MRPL14: variants seen among roughly 807,000 people sequenced by gnomAD.
The protein encoded by MRPL14 is mitochondrial ribosomal protein L14.
In MRPL14, 8 loss-of-function variants were observed where a neutral mutation model predicts 10.9. That is an observed-to-expected ratio of 0.74 (90% CI 0.43 to 1.33). MRPL14 has a LOEUF of 1.33. Among genes scored for constraint, MRPL14 ranks in the 40% most tolerant of loss-of-function variants. The pLI, the probability that MRPL14 is intolerant of heterozygous loss-of-function variation, is 0.01. For synonymous variants in MRPL14, 82 were observed against 74.1 expected (o/e 1.11, Z -0.54); for missense variants, 179 against 194.5 (o/e 0.92, Z 0.47).
chr6:44,113,776 T>G lies in MRPL14; in HGVS notation c.*67A>C. On this transcript the variant is annotated 3_prime_UTR_variant, in exon 3 of 3. Coordinates refer to ENST00000372014, the MANE Select transcript of MRPL14 (RefSeq NM_032111.4). Reference sequence around the variant, plus strand: ...GCAGCCATGTGGCTCCCAAGCTCCCTTAGCAAAAGGGTGGTTCTCAGAACT... The same window carrying G: ...GCAGCCATGTGGCTCCCAAGCTCCCGTAGCAAAAGGGTGGTTCTCAGAACT... 6.7e-7 allele frequency: 1 copy of G among 1,503,030 alleles called. No homozygotes were observed. Among genetic ancestry groups the G allele is most frequent in the Non-Finnish European group, 8.9e-7 (1 of 1,124,230 alleles). 93.1% of individuals were successfully genotyped at this position (1,503,030 alleles called of 1,614,324 possible). A position where few individuals can be genotyped will look rare whatever the true frequency, so the allele number is the denominator to read the frequency against.
At chr6:44,119,494 C>G (rs1379431929) in intron 1 of MRPL14, among the ~76,000 whole-genome samples, 1 of 151,746 alleles carries the variant, frequency 6.6e-6, no homozygotes, top group Admixed American at 6.6e-5. Flanking sequence ...GGCCACTGCA[C>G]TCCAGCCTGG....
chr6:44,124,790 T>C (rs960002521), intron 1 of MRPL14, among the ~76,000 whole-genome samples: 1 of 152,140 alleles, frequency 6.6e-6, no homozygotes, highest in Non-Finnish European at 1.5e-5. Flanking sequence ...TAAATACACA[T>C]GTAAAATCAC....
At chr6:44,125,044 C>CA (rs1256102024) in intron 1 of MRPL14, among the ~76,000 whole-genome samples, 1 of 152,230 alleles carries the variant, frequency 6.6e-6, no homozygotes, top group Non-Finnish European at 1.5e-5. Flanking sequence ...TAACCATGCT[C>CA]AGTGCCCAAC....
At chr6:44,118,566 G>C (rs938065873) in intron 1 of MRPL14, among the ~76,000 whole-genome samples, 11 of 152,174 alleles carry the variant, frequency 7.2e-5, no homozygotes, top group Non-Finnish European at 1.0e-4. Flanking sequence ...GTGTCAAGCA[G>C]CTTTAAGGGT....
rs761021852 is a variant in MRPL14 at position 44,114,154 on chromosome 6, T to C, written c.127A>G (p.Asn43Asp). ...TATGGGCTGTTCCCCAGGGCACTGT[T>C]GTCCACCACTCGTACCCGCGTCATC... ...QKMTRVRVVD[N>D]SALGNSPYHR... Residue 43 changes from asparagine (N) to aspartate (D), a missense_variant, in exon 3 of 3, where the codon AAC becomes GAC. Transcript: ENST00000372014. The C allele has an allele frequency of 1.9e-6, 3 of 1,614,086 alleles. No homozygotes were observed.
intron 2 of MRPL14, among the ~76,000 whole-genome samples, 167 bp from the exon 3 acceptor site, chr6:44,114,376 T>C (rs1466668956): frequency 1.3e-5 from 2 of 152,246 alleles, no homozygotes; most frequent in African/African-American, 4.8e-5. Context: ...AAGACTTATC[T>C]GTACCCACAA....
chr6:44,115,492 CA>C (rs1775755542), intron 2 of MRPL14, among the ~76,000 whole-genome samples: 1 of 152,116 alleles, frequency 6.6e-6, no homozygotes, highest in Non-Finnish European at 1.5e-5. Context: ...CTGTTAATAT[CA>C]CCCCCTAAGC....
chr6:44,125,387 G>C (rs965171738), intron 1 of MRPL14, among the ~76,000 whole-genome samples: 2 of 152,152 alleles, frequency 1.3e-5, no homozygotes, highest in Admixed American at 1.3e-4. Context: ...TGGACAAGGT[G>C]GCTCACGCCT....
intron 1 of MRPL14, among the ~76,000 whole-genome samples, chr6:44,121,639 G>T (rs1411210088): frequency 1.3e-5 from 2 of 152,224 alleles, no homozygotes; most frequent in East Asian, 3.8e-4. Context: ...TCTCTGTTAG[G>T]TGGACAGAAC....
Position 44,114,040 on chromosome 6 carries a change from T to A in MRPL14, c.241A>T (p.Lys81Ter). 6.2e-7 allele frequency: 1 copy of A among 1,614,216 alleles called. No individual in the cohort carries two copies. The highest frequency in any genetic ancestry group is 8.5e-7 in the Non-Finnish European group (1 of 1,180,050). Residue 81 changes from lysine (K) to a stop codon, truncating the protein, a stop_gained, in exon 3 of 3, where the codon AAG becomes TAG. Transcript: ENST00000372014. LOFTEE classifies it high-confidence loss of function. ...DQILLAIKGQKKKALIVGHCM... is the reference protein window; with the variant it reads ...DQILLAIKGQ ...TGCCCCACAATGAGCGCCTTTTTCTTCTGTCCCTTGATGGCCAGTAGTATC... is the reference window on the plus strand; with the variant it reads ...TGCCCCACAATGAGCGCCTTTTTCTACTGTCCCTTGATGGCCAGTAGTATC...
intron 1 of MRPL14, among the ~76,000 whole-genome samples, chr6:44,117,840 G>GTTTTTTT (rs56204643): frequency 2.7e-5 from 2 of 75,364 alleles, no homozygotes; most frequent in Non-Finnish European, 4.9e-5. Flanking sequence ...AATTTTTTGT[G>GTTTTTTT]TTTTTTTTTT....
intron 1 of MRPL14, among the ~76,000 whole-genome samples, chr6:44,124,184 G>A (rs1406207759): frequency 6.6e-6 from 1 of 152,254 alleles, no homozygotes; most frequent in Admixed American, 6.5e-5. Flanking sequence ...AGATAGGCAG[G>A]AGAGTAGTGT....
chr6:44,114,863 C>T (rs1167012153), intron 2 of MRPL14, among the ~76,000 whole-genome samples: 2 of 152,204 alleles, frequency 1.3e-5, no homozygotes, highest in African/African-American at 2.4e-5. Context: ...CCCGCCTCGG[C>T]CTCCCAAAGG....
Position 44,116,586 on chromosome 6 carries a change from C to A in MRPL14, c.26G>T (p.Gly9Val). 1.2e-6 allele frequency: 2 copies of A among 1,614,066 alleles called. No individual in the cohort carries two copies. The highest frequency in any genetic ancestry group is 1.7e-6 in the Non-Finnish European group (2 of 1,179,980). MAFFTGLW[G>V]PFTCVSRVLS... Reference sequence around the variant, plus strand: ...CACTCTGCTTACACAGGTGAAGGGGCCCCAGAGCCCAGTAAAGAAAGCCAT... The same window carrying A: ...CACTCTGCTTACACAGGTGAAGGGGACCCAGAGCCCAGTAAAGAAAGCCAT... Residue 9 changes from glycine (G) to valine (V), a missense_variant, in exon 2 of 3, where the codon GGC becomes GTC. Transcript: ENST00000372014.
Position 44,116,617 on chromosome 6 carries a change from C to T in MRPL14, c.-6G>A, listed in dbSNP as rs556056129. 5 of 1,613,722 alleles carry T rather than the reference C, an allele frequency of 3.1e-6. No individual in the cohort carries two copies. Among genetic ancestry groups the T allele is most frequent in the Non-Finnish European group, 4.2e-6 (5 of 1,179,788 alleles). ...AGCCCAGTAAAGAAAGCCATGGGAT[C>T]CCAAGATAGATCCTGCAGGAAAAAC... On this transcript the variant is annotated 5_prime_UTR_variant, in exon 2 of 3. Coordinates refer to ENST00000372014, the MANE Select transcript of MRPL14 (RefSeq NM_032111.4).
rs1562096733 is a variant in MRPL14 at position 44,113,951 on chromosome 6, G to A, written c.330C>T (p.Asp110=). 2 of 1,613,898 alleles carry A rather than the reference G, an allele frequency of 1.2e-6. No individual in the cohort carries two copies. Among genetic ancestry groups the A allele is most frequent in the South Asian group, 1.1e-5 (1 of 91,080 alleles). ...TTCGTGTCCCCACAGGGTTCCCGTT[G>A]TCCTCAATGAGGACCACGTTGTTGG... ...FDSNNVVLIE[D]NGNPVGTRIK... Residue 110 remains aspartate (D), a synonymous_variant, in exon 3 of 3, where the codon GAC becomes GAT. Coordinates refer to ENST00000372014, the MANE Select transcript of MRPL14 (RefSeq NM_032111.4).
intron 1 of MRPL14, among the ~76,000 whole-genome samples, chr6:44,118,702 C>T (rs1385357635): frequency 6.6e-6 from 1 of 152,142 alleles, no homozygotes; most frequent in Non-Finnish European, 1.5e-5. Flanking sequence ...CGGTGGCTCA[C>T]GCCTGTAATC....
At chr6:44,116,755 C>T (rs1175439998) in intron 1 of MRPL14, 126 bp from the exon 2 acceptor site, 3 of 664,052 alleles carry the variant, frequency 4.5e-6, no homozygotes, top group Middle Eastern at 5.0e-4. Context: ...AAATATAAAT[C>T]TTAGTGGTTA....
chr6:44,116,472 C>T (rs1437866017), intron 2 of MRPL14, 69 bp downstream of exon 2: 21 of 1,493,950 alleles, frequency 1.4e-5, no homozygotes, highest in South Asian at 1.1e-4. Context: ...TTCTAGTCAC[C>T]GTAATACCCA....
Sources: gnomAD v4.1 joint callset for allele counts (sites outside exome capture counted in the v4.1 genomes callset) on GRCh38, gnomAD v4.1.1 for gene constraint, MANE v1.5 for transcripts, NCBI Gene and HGNC (gene_info 2026-07-23, HGNC 2026-07-21) for gene names.